Variants in ACAD10 observed in about 807,000 individuals in gnomAD.
ACAD10 encodes acyl-CoA dehydrogenase family member 10, also known as ACAD-10.
In ACAD10, 112 loss-of-function variants were observed where a neutral mutation model predicts 116.8. The observed-to-expected ratio is 0.96, with a 90% CI of 0.82 to 1.12. The LOEUF is 1.12. Among genes scored for constraint, ACAD10 ranks in the 50% most tolerant of loss-of-function variants. The pLI is 0.00. For synonymous variants in ACAD10, 486 were observed against 510.6 expected (o/e 0.95, Z 0.65); for missense variants, 1,259 against 1,350.2 (o/e 0.93, Z 1.06).
intron 2 of ACAD10, among the ~76,000 whole-genome samples, chr12:111,699,991 A>G (rs1181435269): frequency 6.6e-6 from 1 of 152,106 alleles, no homozygotes; most frequent in Admixed American, 6.6e-5. Flanking sequence ...CACTTCTACC[A>G]TTGCAGCAAG....
At chr12:111,700,743 CTCT>C (rs1302452859) in intron 2 of ACAD10, among the ~76,000 whole-genome samples, 140 of 146,462 alleles carry the variant, frequency 9.6e-4, no homozygotes, top group South Asian at 1.3e-3. Flanking sequence ...TCCTTCCTTC[CTCT>C]TCTTTTTTTT....
rs754753222 is a variant in ACAD10 at position 111,746,142 on chromosome 12, A to G, written c.2116-2A>G. On this transcript the variant is annotated splice_acceptor_variant, in intron 13 of 20. Transcript: ENST00000313698. LOFTEE classifies it high-confidence loss of function. Reference sequence around the variant, plus strand: ...TTTCCTGACTTATTTTCCCCATGATAGGAGAAAGCCAAAGCTGAAGGACTT... The same window carrying G: ...TTTCCTGACTTATTTTCCCCATGATGGGAGAAAGCCAAAGCTGAAGGACTT... 5.0e-6 allele frequency: 8 copies of G among 1,606,512 alleles called. No homozygotes were observed. Among genetic ancestry groups the G allele is most frequent in the South Asian group, 1.1e-5 (1 of 89,590 alleles).
At chr12:111,687,512 C>G (rs1887904371) in intron 1 of ACAD10, among the ~76,000 whole-genome samples, 1 of 152,044 alleles carries the variant, frequency 6.6e-6, no homozygotes, top group Non-Finnish European at 1.5e-5. Flanking sequence ...GGTTAGAAAA[C>G]ATAACCCTGT....
chr12:111,722,261 G>A (rs1425257982), intron 8 of ACAD10, among the ~76,000 whole-genome samples: 1 of 152,090 alleles, frequency 6.6e-6, no homozygotes, highest in Non-Finnish European at 1.5e-5. Context: ...ACAGGGTTTC[G>A]CCATGTTGGC....
chr12:111,710,043 A>G, intron 5 of ACAD10: 1 of 334,476 alleles, frequency 3.0e-6, no homozygotes, highest in Non-Finnish European at 5.7e-6. Context: ...ACTGCTGTAA[A>G]GCACGAGAAG....
Position 111,729,747 on chromosome 12 carries a change from TCCGCTAC to T in ACAD10, c.1244-58_1244-52del. ...GGGTTTCACTGCACTGGTTTTTTTTTCCGCTACTTTCAGAGGTTGCTGAAATTGCACA... is the reference window on the plus strand; with the variant it reads ...GGGTTTCACTGCACTGGTTTTTTTTTTTTCAGAGGTTGCTGAAATTGCACA... On this transcript the variant is annotated intron_variant, in intron 9 of 20. Coordinates refer to ENST00000313698, the MANE Select transcript of ACAD10 (RefSeq NM_025247.6). The T allele has an allele frequency of 1.3e-5, 20 of 1,583,020 alleles. No homozygotes were observed. The Admixed American group carries it at 1.7e-4, about 14-fold the overall frequency.
rs540444011 is a variant in ACAD10 at position 111,729,894 on chromosome 12, C to A, written c.1332C>A (p.Ile444=). Reference sequence around the variant, plus strand: ...CCATCCCAGCCATGGAGAGGCTGATCGAATGGCTGCCCCTCCATCTTCCCC... The same window carrying A: ...CCATCCCAGCCATGGAGAGGCTGATAGAATGGCTGCCCCTCCATCTTCCCC... ...TSTIPAMERL[I]EWLPLHLPRQ... The change falls in exon 10 of 21, where the codon ATC becomes ATA. Residue 444 remains isoleucine, a synonymous_variant. Coordinates refer to ENST00000313698, the MANE Select transcript of ACAD10 (RefSeq NM_025247.6). 6.2e-6 allele frequency: 10 copies of A among 1,614,132 alleles called. No individual in the cohort carries two copies. In the South Asian group the frequency reaches 9.9e-5, roughly 16 times the overall value.
chr12:111,738,124 T>C (rs113475097), intron 12 of ACAD10, among the ~76,000 whole-genome samples: 11 of 152,240 alleles, frequency 7.2e-5, no homozygotes, highest in African/African-American at 2.6e-4. Context: ...CCCAAAGTGC[T>C]GGGATTACAG....
At chr12:111,690,853 C>T (rs1888019282) in intron 1 of ACAD10, among the ~76,000 whole-genome samples, 1 of 151,458 alleles carries the variant, frequency 6.6e-6, no homozygotes. Flanking sequence ...TGGGGATGCT[C>T]AAAGTATATA....
chr12:111,689,045 G>A (rs1183378803), intron 1 of ACAD10, among the ~76,000 whole-genome samples: 1 of 151,770 alleles, frequency 6.6e-6, no homozygotes, highest in African/African-American at 2.4e-5. Context: ...ACAAAAATTA[G>A]CCAGGCGTGG....
At chr12:111,735,152 AG>A (rs1348344796) in intron 11 of ACAD10, among the ~76,000 whole-genome samples, 1 of 151,134 alleles carries the variant, frequency 6.6e-6, no homozygotes, top group Admixed American at 6.6e-5. Flanking sequence ...TGAACCCGGG[AG>A]GCGGAGCTTG....
chr12:111,753,746 C>T (rs750134285), intron 18 of ACAD10, 26 bp from the exon 19 acceptor site: 6 of 1,613,572 alleles, frequency 3.7e-6, no homozygotes, highest in Non-Finnish European at 5.1e-6. Context: ...AGCATGTCCT[C>T]AGCCGCACAT....
intron 8 of ACAD10, among the ~76,000 whole-genome samples, chr12:111,727,365 A>G (rs1437942803): frequency 2.6e-5 from 4 of 152,002 alleles, no homozygotes; most frequent in African/African-American, 9.7e-5. Context: ...TCTACTCAAA[A>G]TACAAAAAAT....
Position 111,746,172 on chromosome 12 carries a change from A to G in ACAD10, c.2144A>G (p.Asn715Ser). 1.2e-6 allele frequency: 2 copies of G among 1,613,826 alleles called. No homozygotes were observed. Among genetic ancestry groups the G allele is most frequent in the Non-Finnish European group, 1.7e-6 (2 of 1,179,950 alleles). Residue 715 changes from asparagine (N) to serine (S), a missense_variant, in exon 14 of 21, where the codon AAC becomes AGC. Transcript: ENST00000313698. ...KEKAKAEGLWNLFLPLEADPE... is the reference protein window; with the variant it reads ...KEKAKAEGLWSLFLPLEADPE... ...AAAGCCAAAGCTGAAGGACTTTGGA[A>G]CCTTTTCCTACCCTTAGAGGCTGAT...
At chr12:111,697,596 T>C (rs1224849657) in intron 2 of ACAD10, among the ~76,000 whole-genome samples, 2 of 149,326 alleles carry the variant, frequency 1.3e-5, no homozygotes, top group Non-Finnish European at 3.0e-5. Context: ...TTTTTTTTTT[T>C]TTTTTTGAGA....
intron 10 of ACAD10, among the ~76,000 whole-genome samples, chr12:111,733,424 AGT>A (rs1889457039): frequency 6.6e-6 from 1 of 152,134 alleles, no homozygotes; most frequent in East Asian, 1.9e-4. Context: ...GCTCCAAAAT[AGT>A]GTGTTTCAAG....
At chr12:111,730,614 T>G (rs1413100685) in intron 10 of ACAD10, among the ~76,000 whole-genome samples, 4 of 151,798 alleles carry the variant, frequency 2.6e-5, no homozygotes, top group African/African-American at 9.7e-5. Context: ...TTTATAGTGT[T>G]TTCTGCTTCG....
Position 111,709,630 on chromosome 12 carries a change from T to A in ACAD10, c.636T>A (p.Asp212Glu). The stretch of plus-strand genomic sequence containing the variant: ...AGCCCTCTGAGTCCATCTTTCTTGA[T>A]GACCTTGGAACAAATCTAAAAGAAG... ...GLQPSESIFL[D>E]DLGTNLKEAA... Residue 212 changes from aspartate to glutamate, a missense_variant, in exon 5 of 21, where the codon GAT becomes GAA. Coordinates refer to ENST00000313698, the MANE Select transcript of ACAD10 (RefSeq NM_025247.6). 1.2e-6 allele frequency: 2 copies of A among 1,614,076 alleles called. No homozygotes were observed. The highest frequency in any genetic ancestry group is 1.7e-6 in the Non-Finnish European group (2 of 1,180,008).
intron 12 of ACAD10, among the ~76,000 whole-genome samples, chr12:111,737,817 A>T (rs1316037906): frequency 6.6e-6 from 1 of 151,990 alleles, no homozygotes; most frequent in Admixed American, 6.6e-5. Context: ...TGCATATTTA[A>T]CAACTATATG....
Sources: gnomAD v4.1 joint callset for allele counts (sites outside exome capture counted in the v4.1 genomes callset) on GRCh38, gnomAD v4.1.1 for gene constraint, MANE v1.5 for transcripts, NCBI Gene and HGNC (gene_info 2026-07-23, HGNC 2026-07-21) for gene names.